The following HDAC4 variants were observed in gnomAD, a reference collection of about 807,000 sequenced individuals.
HDAC4 encodes the protein histone deacetylase 4, also known as histone deacetylase A.
In HDAC4, 16 loss-of-function variants were observed where a neutral mutation model predicts 135.1. The ratio of observed to expected loss-of-function variants is 0.12; its 90% CI spans 0.08 to 0.18. The LOEUF is 0.18. HDAC4 is among the 10% of genes least tolerant of loss of function. The pLI, the probability that HDAC4 is intolerant of heterozygous loss-of-function variation, is 1.00. For missense variants in HDAC4, 1,143 were observed against 1,511.8 expected (o/e 0.76, Z 4.05); for synonymous variants, 685 against 653.4 (o/e 1.05, Z -0.74).
chr2:239,127,296 C>T (rs772888471), intron 11 of HDAC4, among the ~76,000 whole-genome samples: 7 of 152,164 alleles, frequency 4.6e-5, no homozygotes, highest in Non-Finnish European at 4.4e-5. Context: ...TCTGGCTAAT[C>T]CCTGCCAGCG....
chr2:239,343,490 G>A (rs758344905), intron 2 of HDAC4, among the ~76,000 whole-genome samples: 5 of 152,222 alleles, frequency 3.3e-5, no homozygotes, highest in African/African-American at 7.2e-5. Context: ...AAAAGCCTAC[G>A]TTGCAGGACA....
chr2:239,126,330 T>C, intron 12 of HDAC4, 126 bp downstream of exon 12: 1 of 1,507,744 alleles, frequency 6.6e-7, no homozygotes, highest in East Asian at 2.3e-5. Flanking sequence ...ATGTGCCTCC[T>C]CGGTTCCCTC....
chr2:239,190,175 G>T lies in HDAC4; in HGVS notation c.95-98C>A, dbSNP rs1014614651. On this transcript the variant is annotated intron_variant, in intron 3 of 26. Coordinates refer to ENST00000543185, the MANE Select transcript of HDAC4 (RefSeq NM_001378414.1). ...AACACACTGGCCACCTTCACGGGGCGGGGGGGGGGTTGTGACCATTTGAGG... is the reference window on the plus strand; with the variant it reads ...AACACACTGGCCACCTTCACGGGGCTGGGGGGGGGTTGTGACCATTTGAGG... 107 of 393,040 alleles carry T rather than the reference G, an allele frequency of 2.7e-4. No individual in the cohort carries two copies. In the Admixed American group the frequency reaches 2.8e-3, roughly 10 times the overall value. 24.3% of individuals were successfully genotyped at this position (393,040 alleles called of 1,614,324 possible).
rs1179632512 is a variant in HDAC4 at position 239,167,742 on chromosome 2, T to C, written c.491-3819A>G. On this transcript the variant is annotated intron_variant, in intron 5 of 26. Transcript: ENST00000543185. This position sits in a 1 kb window ranked among gnomAD's most constrained non-coding sequence, Gnocchi z 4.1. ...TTTACTTTTACTTTTTTTTTTTTTT[T>C]CTTAATTCACATTGAGTATCACTCA... Among the ~76,000 whole-genome samples, 1 of 151,806 alleles carries C rather than the reference T, an allele frequency of 6.6e-6. No homozygotes were observed. Among genetic ancestry groups the C allele is most frequent in the Non-Finnish European group, 1.5e-5 (1 of 67,954 alleles).
intron 3 of HDAC4, among the ~76,000 whole-genome samples, chr2:239,203,818 C>A (rs930081079): frequency 6.6e-6 from 1 of 152,174 alleles, no homozygotes; most frequent in African/African-American, 2.4e-5. Flanking sequence ...CTAACACAGA[C>A]ACGACACTAA....
rs980346474 is a variant in HDAC4, at chr2:239,048,930, C to G, written c.*4167G>C. 3 of 152,246 alleles carry G rather than the reference C, an allele frequency of 2.0e-5. No individual in the cohort carries two copies. Among genetic ancestry groups the G allele is most frequent in the African/African-American group, 7.2e-5 (3 of 41,470 alleles). The allele number at this position is 152,246 out of a possible 1,614,324, so 9.4% of individuals were successfully genotyped here. On this transcript the variant is annotated 3_prime_UTR_variant, in exon 27 of 27. Coordinates refer to ENST00000543185, the MANE Select transcript of HDAC4 (RefSeq NM_001378414.1). ...GGGACTCTTTCGAGTCCGCCCAGTT[C>G]TCAATCAGAATAAACCGTCACAAGG...
intron 1 of HDAC4, among the ~76,000 whole-genome samples, chr2:239,384,588 G>A (rs1485482163): frequency 1.3e-5 from 2 of 152,076 alleles, no homozygotes. Context: ...CTGCACTCCG[G>A]CCTGCACAAC....
In HDAC4 at chr2:239,126,528, G is replaced by A. The variant is rs1037030504; in HGVS notation, c.1461C>T (p.Ile487=). Residue 487 remains isoleucine (I), a synonymous_variant, in exon 12 of 27, where the codon ATC becomes ATT. Transcript: ENST00000543185. ...CCAGAAACTGCTGATGCTGCTGCTG[G>A]ATGACCAGGTGCTGCAGAGCCTGGG... The part of the protein sequence containing the change: ...QNAQALQHLV[I]QQQHQQFLEK... 6.2e-7 allele frequency: 1 copy of A among 1,613,442 alleles called. No homozygotes were observed. The highest frequency in any genetic ancestry group is 1.3e-5 in the African/African-American group (1 of 74,954).
At chr2:239,117,348 G>A (rs1255684524) in intron 12 of HDAC4, among the ~76,000 whole-genome samples, 1 of 152,116 alleles carries the variant, frequency 6.6e-6, no homozygotes, top group Admixed American at 6.6e-5. Flanking sequence ...GCTAAGGCAT[G>A]GGAGAAAGAA....
intron 2 of HDAC4, among the ~76,000 whole-genome samples, chr2:239,322,879 C>A (rs1287622773): frequency 6.6e-6 from 1 of 152,158 alleles, no homozygotes; most frequent in Non-Finnish European, 1.5e-5. Context: ...CCTTCCTTCT[C>A]GGGAAGCCCA....
chr2:239,260,558 A>G (rs2049298604), intron 2 of HDAC4, among the ~76,000 whole-genome samples: 1 of 152,146 alleles, frequency 6.6e-6, no homozygotes, highest in Admixed American at 6.5e-5. Flanking sequence ...CAGCAATCCC[A>G]ACACTGTAGC....
intron 22 of HDAC4, among the ~76,000 whole-genome samples, chr2:239,077,476 C>A (rs1312853531): frequency 2.6e-5 from 4 of 152,258 alleles, no homozygotes; most frequent in Non-Finnish European, 5.9e-5. Context: ...CCACTGTTCG[C>A]TTCTTACAGG....
intron 2 of HDAC4, among the ~76,000 whole-genome samples, chr2:239,294,856 C>T (rs866267368): frequency 6.3e-4 from 96 of 152,266 alleles, no homozygotes; most frequent in African/African-American, 2.0e-3. Context: ...GCTCTCAGGA[C>T]AGGACAGAGG....
chr2:239,388,698 G>C (rs936568297), intron 1 of HDAC4, among the ~76,000 whole-genome samples: 1 of 152,182 alleles, frequency 6.6e-6, no homozygotes, highest in African/African-American at 2.4e-5. Context: ...GGCTGCAGCC[G>C]CAGGGACTCT....
chr2:239,200,048 A>C lies in HDAC4; in HGVS notation c.95-9971T>G, dbSNP rs550930029. 2.0e-4 allele frequency among the ~76,000 whole-genome samples: 30 copies of C among 152,256 alleles called. 1 individual carries two copies. Among genetic ancestry groups the C allele is most frequent in the African/African-American group, 7.0e-4 (29 of 41,552 alleles). Reference sequence around the variant, plus strand: ...CCACCGCGCCCAGCCCTCTTCCTGTACATTTCTTGACCCCTGTGTGGGTCC... The same window carrying C: ...CCACCGCGCCCAGCCCTCTTCCTGTCCATTTCTTGACCCCTGTGTGGGTCC... On this transcript the variant is annotated intron_variant, in intron 3 of 26. Transcript: ENST00000543185.
intron 3 of HDAC4, among the ~76,000 whole-genome samples, chr2:239,218,914 A>G (rs1346817672): frequency 3.3e-5 from 5 of 150,190 alleles, no homozygotes; most frequent in African/African-American, 1.2e-4. Flanking sequence ...CAAAACCACA[A>G]TGAGATACCA....
intron 1 of HDAC4, among the ~76,000 whole-genome samples, chr2:239,399,978 T>G (rs1433578808): frequency 6.6e-6 from 1 of 152,252 alleles, no homozygotes. Flanking sequence ...ATGAGTACAC[T>G]GGGTTCCACC....
intron 1 of HDAC4, among the ~76,000 whole-genome samples, chr2:239,377,350 G>A (rs2126037003): frequency 6.6e-6 from 1 of 152,296 alleles, no homozygotes; most frequent in Non-Finnish European, 1.5e-5. Flanking sequence ...AAAATGTCCA[G>A]GGCCTCTGAC....
intron 2 of HDAC4, among the ~76,000 whole-genome samples, chr2:239,288,047 A>G (rs537663684): frequency 2.0e-5 from 3 of 150,142 alleles, no homozygotes; most frequent in African/African-American, 7.4e-5. Context: ...CTAATCTTAA[A>G]TAAACTATCC....
Sources: allele counts gnomAD v4.1 joint callset (sites outside exome capture counted in the v4.1 genomes callset), GRCh38; gene constraint gnomAD v4.1.1; non-coding constraint Gnocchi (gnomAD v3.1); transcripts MANE v1.5; gene names NCBI Gene and HGNC (gene_info 2026-07-23, HGNC 2026-07-21).